Variants in MAP4 observed in about 807,000 individuals in gnomAD.
MAP4 encodes microtubule associated protein 4.
MAP4 carries 76 observed loss-of-function variants against 170.2 expected under a neutral mutation model. The ratio of observed to expected loss-of-function variants is 0.45; its 90% confidence interval spans 0.37 to 0.54. The LOEUF is 0.54. Among genes scored for constraint, MAP4 ranks in the 20% least tolerant of loss-of-function variants. MAP4 has a pLI of 0.00. For synonymous variants in MAP4, 909 were observed against 994.5 expected, an observed-to-expected ratio of 0.91 and a Z score of 1.62; for missense variants, 2,506 against 2,748.0, an observed-to-expected ratio of 0.91 and a Z score of 1.97.
chr3:48,080,318 A>C (rs2100145986), intron 1 of MAP4, among the ~76,000 whole-genome samples: 1 of 152,246 alleles, frequency 6.6e-6, no homozygotes, highest in African/African-American at 2.4e-5. Context: ...CTATTATGTG[A>C]AACATTTGTC....
intron 3 of MAP4, among the ~76,000 whole-genome samples, chr3:47,948,563 G>C (rs1461676158): frequency 6.6e-6 from 1 of 152,046 alleles, no homozygotes; most frequent in Admixed American, 6.6e-5. Flanking sequence ...GGTGTTAACA[G>C]TGTGTACAAA....
At chr3:47,858,403 T>C (rs1296189415) in intron 17 of MAP4, among the ~76,000 whole-genome samples, 1 of 152,150 alleles carries the variant, frequency 6.6e-6, no homozygotes, top group Admixed American at 6.5e-5. Flanking sequence ...TGTCCATGCA[T>C]GCTCCAGACA....
intron 3 of MAP4, among the ~76,000 whole-genome samples, chr3:47,936,875 G>A (rs1195818079): frequency 1.3e-5 from 2 of 151,706 alleles, no homozygotes; most frequent in African/African-American, 2.4e-5. Flanking sequence ...AGCTACTCGG[G>A]AGGCTGAGGC....
chr3:48,007,294 A>G (rs1036473652), intron 1 of MAP4, among the ~76,000 whole-genome samples: 1 of 152,194 alleles, frequency 6.6e-6, no homozygotes, highest in Non-Finnish European at 1.5e-5. Context: ...TATTCCCTTT[A>G]AGTTAAAGGA....
intron 10 of MAP4, among the ~76,000 whole-genome samples, chr3:47,878,298 C>T (rs1240824704): frequency 6.6e-6 from 1 of 152,042 alleles, no homozygotes; most frequent in African/African-American, 2.4e-5. Context: ...TAAGACAAAA[C>T]ACTATAATAA....
intron 1 of MAP4, among the ~76,000 whole-genome samples, chr3:48,033,516 A>G (rs2100117224): frequency 6.6e-6 from 1 of 152,160 alleles, no homozygotes; most frequent in South Asian, 2.1e-4. Flanking sequence ...ATTGAAGTGA[A>G]GTTTACATAA....
chr3:48,027,645 G>C (rs2100113807), intron 1 of MAP4, among the ~76,000 whole-genome samples: 1 of 152,040 alleles, frequency 6.6e-6, no homozygotes. Context: ...AGGGGCTCGA[G>C]ACCAGCCTGG....
chr3:48,040,713 G>A (rs529035791), intron 1 of MAP4, among the ~76,000 whole-genome samples: 1 of 152,064 alleles, frequency 6.6e-6, no homozygotes, highest in African/African-American at 2.4e-5. Flanking sequence ...ATAGGCATGC[G>A]CCACCACACC....
intron 10 of MAP4, among the ~76,000 whole-genome samples, chr3:47,878,416 A>G (rs2095953858): frequency 6.6e-6 from 1 of 152,252 alleles, no homozygotes; most frequent in South Asian, 2.1e-4. Flanking sequence ...TACAAAGGCC[A>G]ATAATCCACT....
intron 1 of MAP4, among the ~76,000 whole-genome samples, chr3:48,023,431 A>C (rs1047957040): frequency 1.1e-4 from 17 of 152,162 alleles, no homozygotes; most frequent in African/African-American, 4.1e-4. Flanking sequence ...AAAGAGAAGG[A>C]GGCTTCGGAA....
intron 2 of MAP4, among the ~76,000 whole-genome samples, chr3:47,986,826 A>G (rs1279071550): frequency 6.6e-6 from 1 of 152,224 alleles, no homozygotes; most frequent in Non-Finnish European, 1.5e-5. Flanking sequence ...ACTTCCCTAA[A>G]TATGATCATG....
At position 47,880,465 on chromosome 3, in the gene MAP4, GT is replaced by G. The variant is rs3079393; in HGVS notation, c.5435-2943del. On this transcript the variant is annotated intron_variant, in intron 10 of 20. Transcript: ENST00000683076. ...TATACCTGAAATAATTCCAATTTCAGTTTTTTTTTTTTTTTTTTTTTTAAGA... is the reference window on the plus strand; with the variant it reads ...TATACCTGAAATAATTCCAATTTCAGTTTTTTTTTTTTTTTTTTTTTAAGA... 8.1e-3 allele frequency among the ~76,000 whole-genome samples: 862 copies of G among 106,062 alleles called. 8 individuals carry two copies. Among genetic ancestry groups the G allele is most frequent in the African/African-American group, 0.025 (642 of 26,108 alleles). The allele number at this position is 106,062 out of a possible 152,430, so 69.6% of individuals were successfully genotyped here.
chr3:48,011,666 A>G (rs1448641337), intron 1 of MAP4, among the ~76,000 whole-genome samples: 3 of 152,018 alleles, frequency 2.0e-5, no homozygotes, highest in Admixed American at 6.6e-5. Flanking sequence ...CTTTACATAT[A>G]AAGTATTATT....
intron 17 of MAP4, among the ~76,000 whole-genome samples, chr3:47,865,892 G>A (rs546354571): frequency 5.3e-5 from 8 of 152,312 alleles, no homozygotes; most frequent in African/African-American, 9.6e-5. Flanking sequence ...CACACTCGAC[G>A]ATAGTAAGAC....
At chr3:48,070,432 C>CT (rs1193514519) in intron 1 of MAP4, among the ~76,000 whole-genome samples, 2 of 151,510 alleles carry the variant, frequency 1.3e-5, no homozygotes, top group Non-Finnish European at 2.9e-5. Flanking sequence ...TACTCTTGGC[C>CT]TTTTTTGCTT....
intron 3 of MAP4, among the ~76,000 whole-genome samples, chr3:47,930,546 A>G (rs1284854615): frequency 6.6e-6 from 1 of 152,224 alleles, no homozygotes; most frequent in Admixed American, 6.5e-5. Flanking sequence ...ACTTCGAGAA[A>G]TATCTGCAAA....
intron 1 of MAP4, among the ~76,000 whole-genome samples, chr3:48,009,660 T>C (rs2100104226): frequency 6.6e-6 from 1 of 152,146 alleles, no homozygotes; most frequent in Non-Finnish European, 1.5e-5. Context: ...CCGTGTATCC[T>C]CTGAATCAGC....
intron 7 of MAP4, among the ~76,000 whole-genome samples, chr3:47,915,528 T>TGG (rs1177848191): frequency 6.6e-6 from 1 of 152,046 alleles, no homozygotes; most frequent in African/African-American, 2.4e-5. Flanking sequence ...GAAGAATACA[T>TGG]GGGGCAATAT....
Position 47,872,013 on chromosome 3 carries a change from T to C in MAP4, c.5845A>G (p.Thr1949Ala). Residue 1949 changes from threonine to alanine, a missense_variant, in exon 13 of 21, where the codon ACT (threonine) becomes GCT (alanine). Coordinates refer to ENST00000683076, the MANE Select transcript of MAP4 (RefSeq NM_001385682.1). ...GTTGTGGTTTTTGCAACAGTCTGAG[T>C]GCTCTTGGACCCAGATCTGGAGGCT... is the stretch of plus-strand genomic sequence containing the variant. ...APASRSGSKS[T>A]QTVAKTTTAA... is the part of the protein sequence containing the mutation. 1 of 1,614,074 alleles carries C rather than the reference T, an allele frequency of 6.2e-7. No individual in the cohort carries two copies. The highest frequency in any genetic ancestry group is 1.1e-5 in the South Asian group (1 of 91,082).
Sources: gnomAD v4.1 joint callset for allele counts (sites outside exome capture counted in the v4.1 genomes callset) on GRCh38, gnomAD v4.1.1 for gene constraint, MANE v1.5 for transcripts, NCBI Gene and HGNC (gene_info 2026-07-23, HGNC 2026-07-21) for gene names.